NSF: variants seen among roughly 807,000 people sequenced by gnomAD.
The protein encoded by NSF is vesicle-fusing ATPase.
In NSF, 14 loss-of-function variants were observed where a neutral mutation model predicts 50.3. That is an observed-to-expected ratio of 0.28 (90% CI 0.18 to 0.44). The LOEUF is 0.44. Ranked by LOEUF, NSF falls within the 20% of genes least tolerant of loss-of-function variation. The pLI is 1.00. For synonymous variants in NSF, 109 were observed against 175.7 expected, an observed-to-expected ratio of 0.62 and a Z score of 3.00; for missense variants, 218 against 504.3, an observed-to-expected ratio of 0.43 and a Z score of 5.44.
Position 46,749,888 on chromosome 17 carries a change from A to C in NSF, c.2024A>C (p.Gln675Pro). ...GTGCCCAACATTGCCACAGGAGAGCAGCTGTTGGAAGCTTTGGAGGTAAAA... is the reference window on the plus strand; with the variant it reads ...GTGCCCAACATTGCCACAGGAGAGCCGCTGTTGGAAGCTTTGGAGGTAAAA... Reference protein sequence around the residue: ...IHVPNIATGEQLLEALELLGN... With the variant: ...IHVPNIATGEPLLEALELLGN... The change falls in exon 18 of 21, where the codon CAG (glutamine) becomes CCG (proline). Residue 675 changes from glutamine to proline, a missense_variant. Transcript: ENST00000398238. The C allele has an allele frequency of 6.2e-7, 1 of 1,613,992 alleles. No individual in the cohort carries two copies. The highest frequency in any genetic ancestry group is 8.5e-7 in the Non-Finnish European group (1 of 1,179,946).
chr17:46,744,909 A>G (rs1211479999), intron 17 of NSF, among the ~76,000 whole-genome samples: 1 of 152,214 alleles, frequency 6.6e-6, no homozygotes, highest in South Asian at 2.1e-4. Flanking sequence ...CCTTGGAACA[A>G]TGTTTATCAT....
intron 16 of NSF, among the ~76,000 whole-genome samples, chr17:46,727,290 C>T (rs1237874206): frequency 1.3e-5 from 2 of 152,072 alleles, no homozygotes; most frequent in African/African-American, 4.8e-5. Flanking sequence ...AAATAAACTG[C>T]AAGGAAGGGC....
chr17:46,708,965 C>A (rs919842164), intron 13 of NSF, among the ~76,000 whole-genome samples: 1 of 150,994 alleles, frequency 6.6e-6, no homozygotes, highest in African/African-American at 2.4e-5. Flanking sequence ...GCTAGGACTG[C>A]AGGCTTGCGC....
intron 13 of NSF, among the ~76,000 whole-genome samples, chr17:46,709,790 C>T (rs1042301240): frequency 1.3e-5 from 2 of 152,150 alleles, no homozygotes; most frequent in Non-Finnish European, 2.9e-5. Context: ...TCACTGCGCC[C>T]GGCCATGAAA....
intron 17 of NSF, among the ~76,000 whole-genome samples, chr17:46,729,260 A>G (rs950685859): frequency 3.3e-5 from 5 of 152,238 alleles, no homozygotes; most frequent in African/African-American, 1.2e-4. Context: ...TATGATATTA[A>G]TAGAGAAGGC....
At chr17:46,720,831 G>A (rs2058822311) in intron 15 of NSF, among the ~76,000 whole-genome samples, 1 of 152,154 alleles carries the variant, frequency 6.6e-6, no homozygotes, top group African/African-American at 2.4e-5. Flanking sequence ...TTACCTAAGG[G>A]CACTAAGGAG....
rs2057999024 is a variant in NSF, at chr17:46,610,063, C to CTTTCT, written c.13-14177_13-14176insTTTTC. Among the ~76,000 whole-genome samples the CTTTCT allele has an allele frequency of 2.3e-5, 3 of 130,942 alleles. No individual in the cohort carries two copies. The South Asian group carries it at 6.9e-4, about 30-fold the overall frequency. 85.9% of individuals were successfully genotyped at this position (130,942 alleles called of 152,430 possible). A position where few individuals can be genotyped will look rare whatever the true frequency, so the allele number is the denominator to read the frequency against. On this transcript the variant is annotated intron_variant, in intron 1 of 20. Transcript: ENST00000398238. ...TCTCTCTTTCTTTCTTTCTTTCTTTCTTTCCTTTCTTTCCTTCTTTCTTTC... is the reference window on the plus strand; with the variant it reads ...TCTCTCTTTCTTTCTTTCTTTCTTTCTTTCTTTTCCTTTCTTTCCTTCTTTCTTTC...
intron 15 of NSF, among the ~76,000 whole-genome samples, chr17:46,725,799 G>A (rs2058883666): frequency 6.6e-6 from 1 of 152,118 alleles, no homozygotes; most frequent in African/African-American, 2.4e-5. Flanking sequence ...TCATGACACT[G>A]ATGAGATTTC....
chr17:46,717,854 A>G (rs575151852), intron 15 of NSF, among the ~76,000 whole-genome samples: 90 of 152,310 alleles, frequency 5.9e-4, no homozygotes, highest in African/African-American at 2.0e-3. Flanking sequence ...GTCCTGGAGC[A>G]TGATGGAAAG....
intron 9 of NSF, among the ~76,000 whole-genome samples, chr17:46,690,624 A>AAAAAAAAT (rs1381328687): frequency 9.0e-6 from 1 of 110,976 alleles, no homozygotes; most frequent in Non-Finnish European, 1.8e-5. Context: ...AAAAAAAAAA[A>AAAAAAAAT]ATATATATAT....
intron 1 of NSF, among the ~76,000 whole-genome samples, chr17:46,605,995 C>CAAAAAAAAAAAAAAA (rs59118188): frequency 2.0e-5 from 1 of 51,054 alleles, no homozygotes; most frequent in Non-Finnish European, 2.9e-5. Context: ...ACTAAAAATA[C>CAAAAAAAAAAAAAAA]AAAAAAAAAA....
intron 17 of NSF, among the ~76,000 whole-genome samples, chr17:46,746,804 A>G (rs992871980): frequency 6.6e-6 from 1 of 152,210 alleles, no homozygotes; most frequent in Non-Finnish European, 1.5e-5. Flanking sequence ...TGTGAGATTC[A>G]ATAGCTTCAT....
rs2059236569 is a variant in NSF at position 46,756,584 on chromosome 17, C to T, written c.*761C>T. On this transcript the variant is annotated 3_prime_UTR_variant, in exon 21 of 21. Transcript: ENST00000398238. ...GAAAGATAGGTATGGAAAAAGCATA[C>T]ACCCCCAAACAGAAAGGAGTTATTA... 6.6e-6 allele frequency: 1 copy of T among 152,564 alleles called. No homozygotes were observed. The highest frequency in any genetic ancestry group is 1.5e-5 in the Non-Finnish European group (1 of 68,038). The allele number at this position is 152,564 out of a possible 1,614,324, so 9.5% of individuals were successfully genotyped here. A position where few individuals can be genotyped will look rare whatever the true frequency, so the allele number is the denominator to read the frequency against.
intron 14 of NSF, among the ~76,000 whole-genome samples, chr17:46,711,994 C>T (rs1338664574): frequency 2.6e-5 from 4 of 152,150 alleles, no homozygotes; most frequent in African/African-American, 9.7e-5. Context: ...AAGATTTAAA[C>T]TATCTTAGGG....
intron 1 of NSF, among the ~76,000 whole-genome samples, chr17:46,602,784 A>G (rs1428944299): frequency 6.8e-6 from 1 of 146,346 alleles, no homozygotes; most frequent in East Asian, 2.0e-4. Flanking sequence ...AATAATATTG[A>G]TATAATTTTG....
intron 13 of NSF, among the ~76,000 whole-genome samples, chr17:46,707,819 G>T (rs2058671198): frequency 6.6e-6 from 1 of 151,990 alleles, no homozygotes; most frequent in African/African-American, 2.4e-5. Context: ...GTCACCTGAA[G>T]TCAGGAGTTC....
intron 17 of NSF, among the ~76,000 whole-genome samples, chr17:46,730,385 C>G (rs942959853): frequency 6.6e-6 from 1 of 152,240 alleles, no homozygotes; most frequent in East Asian, 1.9e-4. Context: ...CTATCTTATA[C>G]TTCTTGTTCT....
rs984642738 is a variant in NSF at position 46,721,625 on chromosome 17, G to A, written c.1762-4924G>A. Reference sequence around the variant, plus strand: ...GAATTCAAAATTAACATCCTTGCCCGTGAGCTTCTTATAGACACCAGAAAA... The same window carrying A: ...GAATTCAAAATTAACATCCTTGCCCATGAGCTTCTTATAGACACCAGAAAA... On this transcript the variant is annotated intron_variant, in intron 15 of 20. Coordinates refer to ENST00000398238, the MANE Select transcript of NSF (RefSeq NM_006178.4). 287 of 1,586,540 alleles carry A rather than the reference G, an allele frequency of 1.8e-4. 2 individuals are homozygous for A. The highest frequency in any genetic ancestry group is 1.1e-3 in the South Asian group (98 of 90,560).
chr17:46,709,587 C>T (rs552253047), intron 13 of NSF, among the ~76,000 whole-genome samples: 12 of 151,902 alleles, frequency 7.9e-5, no homozygotes, highest in African/African-American at 2.9e-4. Context: ...CTCCGCCTCC[C>T]GGGTTCAAGC....
Sources: gnomAD v4.1 joint callset for allele counts (sites outside exome capture counted in the v4.1 genomes callset) on GRCh38, gnomAD v4.1.1 for gene constraint, MANE v1.5 for transcripts, NCBI Gene and HGNC (gene_info 2026-07-23, HGNC 2026-07-21) for gene names.